TACR1: variants seen among roughly 807,000 people sequenced by gnomAD.
TACR1 encodes the protein substance-P receptor.
In TACR1, 25 loss-of-function variants were observed where a neutral mutation model predicts 35.8. That is an observed-to-expected ratio of 0.70 (90% CI 0.51 to 0.98). The LOEUF is 0.98. Ranked by LOEUF, TACR1 falls within the 50% of genes least tolerant of loss-of-function variation. The probability of loss-of-function intolerance (pLI) is 0.00; values close to 1 mark genes in which losing one functional copy is unlikely to be tolerated. For missense variants in TACR1, 478 were observed against 522.9 expected, an observed-to-expected ratio of 0.91 and a Z score of 0.84; for synonymous variants, 195 against 206.7, an observed-to-expected ratio of 0.94 and a Z score of 0.48.
At chr2:75,077,266 G>A (rs139416814) in intron 2 of TACR1, among the ~76,000 whole-genome samples, 117 of 152,244 alleles carry the variant, frequency 7.7e-4, no homozygotes, top group African/African-American at 2.6e-3. Flanking sequence ...CACCGCACCC[G>A]GCCTATTATT....
chr2:75,119,317 C>G (rs1673920160), intron 2 of TACR1, among the ~76,000 whole-genome samples: 1 of 152,190 alleles, frequency 6.6e-6, no homozygotes. Flanking sequence ...GCTCTATTAT[C>G]TCTCATTTTA....
chr2:75,156,065 A>G (rs1303909925), intron 1 of TACR1: 1 of 152,256 alleles, frequency 6.6e-6, no homozygotes, highest in Non-Finnish European at 1.5e-5. Context: ...GAACACAGTC[A>G]CACTATTTGT....
At chr2:75,085,546 G>C (rs1225987876) in intron 2 of TACR1, among the ~76,000 whole-genome samples, 1 of 152,174 alleles carries the variant, frequency 6.6e-6, no homozygotes, top group East Asian at 1.9e-4. Flanking sequence ...TTAAGATTGG[G>C]AGAAAGTTAA....
chr2:75,168,125 A>G (rs938524581), intron 1 of TACR1, among the ~76,000 whole-genome samples: 2 of 152,206 alleles, frequency 1.3e-5, no homozygotes, highest in African/African-American at 2.4e-5. Context: ...TTCACAGACT[A>G]TGTAGAAGAA....
At chr2:75,155,495 C>T (rs926711564) in intron 1 of TACR1, among the ~76,000 whole-genome samples, 24 of 152,104 alleles carry the variant, frequency 1.6e-4, no homozygotes, top group African/African-American at 5.6e-4. Context: ...CATTCAACCC[C>T]CACCTGAGTA....
intron 2 of TACR1, among the ~76,000 whole-genome samples, chr2:75,101,893 G>A (rs1414031964): frequency 6.6e-6 from 1 of 152,068 alleles, no homozygotes; most frequent in Admixed American, 6.6e-5. Context: ...GCAGTGAACC[G>A]AGATCGTGCC....
At chr2:75,056,719 A>G (rs534302715) in intron 2 of TACR1, among the ~76,000 whole-genome samples, 3 of 152,226 alleles carry the variant, frequency 2.0e-5, no homozygotes, top group Non-Finnish European at 4.4e-5. Flanking sequence ...AAATACGTAA[A>G]CATAATTTAT....
intron 2 of TACR1, among the ~76,000 whole-genome samples, chr2:75,118,446 T>C (rs1673904891): frequency 6.6e-6 from 1 of 152,154 alleles, no homozygotes; most frequent in African/African-American, 2.4e-5. Context: ...ATGGCAAACA[T>C]AACTGTACAT....
At chr2:75,099,452 C>T (rs2103868884) in intron 2 of TACR1, among the ~76,000 whole-genome samples, 1 of 152,320 alleles carries the variant, frequency 6.6e-6, no homozygotes, top group African/African-American at 2.4e-5. Context: ...TCCTCAGACT[C>T]TTCATGTTTT....
At chr2:75,120,434 G>A in intron 2 of TACR1, 140 bp downstream of exon 2, 1 of 702,322 alleles carries the variant, frequency 1.4e-6, no homozygotes, top group Non-Finnish European at 2.3e-6. Flanking sequence ...CCTGATATGA[G>A]GGTATATGTG....
chr2:75,130,770 A>C (rs1377978663), intron 1 of TACR1, among the ~76,000 whole-genome samples: 1 of 152,250 alleles, frequency 6.6e-6, no homozygotes, highest in Non-Finnish European at 1.5e-5. Context: ...AGCAGCATCT[A>C]CACCAAAAGT....
intron 1 of TACR1, among the ~76,000 whole-genome samples, chr2:75,136,300 C>T (rs58125068): frequency 0.061 from 9,284 of 152,230 alleles, 500 homozygotes; most frequent in African/African-American, 0.15. Context: ...CTTCTTCGTC[C>T]TTATCAGCTC....
At position 75,108,191 on chromosome 2, in the gene TACR1, T is replaced by G. The variant is rs115963180; in HGVS notation, c.584+12383A>C. Among the ~76,000 whole-genome samples the G allele has an allele frequency of 4.5e-3, 682 of 152,212 alleles. 4 individuals carry two copies. Among genetic ancestry groups the G allele is most frequent in the African/African-American group, 0.016 (650 of 41,558 alleles). On this transcript the variant is annotated intron_variant, in intron 2 of 4. Coordinates refer to ENST00000305249, the MANE Select transcript of TACR1 (RefSeq NM_001058.4). ...CAGTTTTTAAAAGCATCCCTAGCCT[T>G]GATACCAAAATCTGACAAAGACAGC...
chr2:75,146,510 A>T (rs977754483), intron 1 of TACR1, among the ~76,000 whole-genome samples: 4 of 152,200 alleles, frequency 2.6e-5, no homozygotes, highest in African/African-American at 9.7e-5. Flanking sequence ...CAGGCAAGAT[A>T]AGGATGAAGA....
chr2:75,114,439 A>G (rs1052062077), intron 2 of TACR1, among the ~76,000 whole-genome samples: 9 of 152,164 alleles, frequency 5.9e-5, no homozygotes, highest in Admixed American at 3.9e-4. Flanking sequence ...TTCTCTGATG[A>G]AGAAATGTTG....
At chr2:75,118,873 G>T (rs1423409630) in intron 2 of TACR1, 1 of 152,124 alleles carries the variant, frequency 6.6e-6, no homozygotes, top group African/African-American at 2.4e-5. Flanking sequence ...CATGTTCACA[G>T]GTTCTGTATG....
chr2:75,184,156 G>C (rs1026890148), intron 1 of TACR1, among the ~76,000 whole-genome samples: 1 of 152,126 alleles, frequency 6.6e-6, no homozygotes, highest in Non-Finnish European at 1.5e-5. Context: ...ACAAGAACAG[G>C]TATTGTTTAT....
At chr2:75,165,921 A>G (rs1675132155) in intron 1 of TACR1, among the ~76,000 whole-genome samples, 1 of 152,232 alleles carries the variant, frequency 6.6e-6, no homozygotes, top group Non-Finnish European at 1.5e-5. Context: ...CTTTTTAACA[A>G]GAAAAGCCCC....
In TACR1 at chr2:75,198,615, A is replaced by G. The variant is rs776956813; in HGVS notation, c.320T>C (p.Phe107Ser). ...AGCGGCGATGGGAAAGAAGTTGTGG[A>G]ACTTGCAGTAGAACAGGCCGTAGTA... ...EWYYGLFYCK[F>S]HNFFPIAAVF... Residue 107 changes from phenylalanine (F) to serine (S), a missense_variant, in exon 1 of 5, where the codon TTC (phenylalanine) becomes TCC (serine). Phe to Ser is a radical substitution (Grantham distance 155). Transcript: ENST00000305249. The G allele has an allele frequency of 1.2e-6, 2 of 1,614,206 alleles. No homozygotes were observed. Among genetic ancestry groups the G allele is most frequent in the South Asian group, 2.2e-5 (2 of 91,070 alleles).
Sources: allele counts gnomAD v4.1 joint callset (sites outside exome capture counted in the v4.1 genomes callset), GRCh38; gene constraint gnomAD v4.1.1; transcripts MANE v1.5; gene names NCBI Gene and HGNC (gene_info 2026-07-23, HGNC 2026-07-21).